Variants in GALNTL6 observed in about 807,000 individuals in gnomAD.
GALNTL6 encodes the protein polypeptide N-acetylgalactosaminyltransferase like 6, also known as polypeptide N-acetylgalactosaminyltransferase-like 6.
GALNTL6 carries 46 observed loss-of-function variants against 73.7 expected under a neutral mutation model. That is an observed-to-expected ratio of 0.62 (90% CI 0.49 to 0.80). The LOEUF (loss-of-function observed/expected upper bound fraction) is 0.80. GALNTL6 is among the 30% of genes least tolerant of loss of function. The probability of loss-of-function intolerance (pLI) is 0.00; values close to 1 mark genes in which losing one functional copy is unlikely to be tolerated. For synonymous variants in GALNTL6, 259 were observed against 263.7 expected (o/e 0.98, Z 0.17); for missense variants, 604 against 755.0 (o/e 0.80, Z 2.34).
At chr4:172,296,122 C>T (rs76498162) in intron 3 of GALNTL6, among the ~76,000 whole-genome samples, 1 of 152,016 alleles carries the variant, frequency 6.6e-6, no homozygotes, top group Non-Finnish European at 1.5e-5. Flanking sequence ...TGTGGATACC[C>T]TTTGTCAGAT....
At position 172,093,794 on chromosome 4, in the gene GALNTL6, G is replaced by T. The variant is rs146873300; in HGVS notation, c.139-135862G>T. ...CTTGTGAGAAGATTCCAGGTTGCAG[G>T]CTTCTTGAGAGAAGATCATGCCTGA... is the stretch of plus-strand genomic sequence containing the variant. On this transcript the variant is annotated intron_variant, in intron 2 of 12. Coordinates refer to ENST00000506823, the MANE Select transcript of GALNTL6 (RefSeq NM_001034845.3). 1.7e-4 allele frequency among the ~76,000 whole-genome samples: 26 copies of T among 152,262 alleles called. No homozygotes were observed. The East Asian group carries it at 4.4e-3, about 26-fold the overall frequency.
intron 3 of GALNTL6, among the ~76,000 whole-genome samples, chr4:172,302,407 A>T (rs946857375): frequency 1.3e-5 from 2 of 152,112 alleles, no homozygotes; most frequent in Non-Finnish European, 2.9e-5. Flanking sequence ...CCCCAGTGAG[A>T]TGCACCCAGT....
intron 2 of GALNTL6, among the ~76,000 whole-genome samples, chr4:171,918,742 C>G (rs1737699252): frequency 6.6e-6 from 1 of 151,960 alleles, no homozygotes; most frequent in Non-Finnish European, 1.5e-5. Flanking sequence ...GTGGAAACAA[C>G]CTAAATATCC....
rs1242228892 is a variant in GALNTL6, at chr4:172,813,561, A to G, written c.761A>G (p.Lys254Arg). Residue 254 changes from lysine (K) to arginine (R), a missense_variant, in exon 7 of 13, where the codon AAA (lysine) becomes AGA (arginine). By Grantham distance (26) the Lys-to-Arg change is conservative. Transcript: ENST00000506823. ...TCAGACCAAATTGCACTAAACCACA[A>G]AACCATCGTGTGTCCCATGATCGAT... ...PLLNQIALNH[K>R]TIVCPMIDVI... The G allele has an allele frequency of 3.7e-6, 6 of 1,605,996 alleles. No individual in the cohort carries two copies. Among genetic ancestry groups the G allele is most frequent in the Non-Finnish European group, 2.6e-6 (3 of 1,173,524 alleles).
intron 2 of GALNTL6, among the ~76,000 whole-genome samples, chr4:171,824,084 TATATATA>T (rs1487744307): frequency 0.012 from 256 of 20,584 alleles, 2 homozygotes; most frequent in Non-Finnish European, 0.064. Context: ...ATTTTATATA[TATATATA>T]TATATATATA....
chr4:172,788,786 A>T (rs946392750), intron 5 of GALNTL6, among the ~76,000 whole-genome samples: 1 of 152,146 alleles, frequency 6.6e-6, no homozygotes, highest in African/African-American at 2.4e-5. Context: ...AGAGAAGCCA[A>T]CAAGAGGTGG....
At chr4:172,731,168 A>G (rs112085094) in intron 5 of GALNTL6, among the ~76,000 whole-genome samples, 2,038 of 152,028 alleles carry the variant, frequency 0.013, 44 homozygotes, top group African/African-American at 0.047. Flanking sequence ...CAGGGAATCC[A>G]TCAGATTCTG....
chr4:172,481,927 G>A (rs1052471561), intron 5 of GALNTL6, among the ~76,000 whole-genome samples: 3 of 152,222 alleles, frequency 2.0e-5, no homozygotes, highest in African/African-American at 7.2e-5. Flanking sequence ...TGAGCGTCAG[G>A]GAGCAGGGGG....
At chr4:171,897,649 C>CTTTTCTT (rs999325567) in intron 2 of GALNTL6, among the ~76,000 whole-genome samples, 7 of 151,870 alleles carry the variant, frequency 4.6e-5, no homozygotes, top group Non-Finnish European at 8.8e-5. Context: ...GGTGAAACCC[C>CTTTTCTT]TTTTCTTTTT....
In GALNTL6 at chr4:172,504,619, TAA is replaced by T. The variant is rs1274413514; in HGVS notation, c.553+155946_553+155947del. 1.2e-4 allele frequency among the ~76,000 whole-genome samples: 4 copies of T among 34,268 alleles called. 1 individual carries two copies. The highest frequency in any genetic ancestry group is 1.5e-4 in the African/African-American group (2 of 13,322). 22.5% of individuals were successfully genotyped at this position (34,268 alleles called of 152,430 possible). A position where few individuals can be genotyped will look rare whatever the true frequency, so the allele number is the denominator to read the frequency against. On this transcript the variant is annotated intron_variant, in intron 5 of 12. Coordinates refer to ENST00000506823, the MANE Select transcript of GALNTL6 (RefSeq NM_001034845.3). ...TGTTCTTTTTTAAAAGTAAATGCTCTAAAAAAAAAAAAAAAAAGAAGTAATGG... is the reference window on the plus strand; with the variant it reads ...TGTTCTTTTTTAAAAGTAAATGCTCTAAAAAAAAAAAAAAAGAAGTAATGG...
intron 2 of GALNTL6, among the ~76,000 whole-genome samples, chr4:171,961,328 C>G (rs557693734): frequency 1.8e-4 from 27 of 152,246 alleles, no homozygotes; most frequent in Admixed American, 8.5e-4. Context: ...ATATCACATT[C>G]TGACAGGCCC....
At chr4:171,838,045 C>G (rs1252529582) in intron 2 of GALNTL6, among the ~76,000 whole-genome samples, 1 of 151,808 alleles carries the variant, frequency 6.6e-6, no homozygotes, top group Admixed American at 6.6e-5. Context: ...TCCCTTCACT[C>G]TTTTGTTTGT....
intron 8 of GALNTL6, among the ~76,000 whole-genome samples, chr4:172,921,079 C>T (rs993368195): frequency 2.6e-5 from 4 of 152,128 alleles, no homozygotes; most frequent in East Asian, 1.9e-4. Flanking sequence ...CAGAAGAAAC[C>T]GCCAAGATAA....
chr4:172,839,468 T>C (rs569719966), intron 7 of GALNTL6, among the ~76,000 whole-genome samples: 1 of 152,320 alleles, frequency 6.6e-6, no homozygotes, highest in South Asian at 2.1e-4. Flanking sequence ...GATTAAACTG[T>C]GAGCCATTAT....
At chr4:172,576,195 T>G (rs1446859088) in intron 5 of GALNTL6, among the ~76,000 whole-genome samples, 1 of 152,204 alleles carries the variant, frequency 6.6e-6, no homozygotes, top group Non-Finnish European at 1.5e-5. Context: ...CCCATTCTAA[T>G]GGCCATGAGG....
At chr4:172,458,785 G>A (rs337047) in intron 5 of GALNTL6, among the ~76,000 whole-genome samples, 152,241 of 152,292 alleles carry the variant, frequency 1, 76,095 homozygotes, top group Non-Finnish European at 1. Context: ...TACCAGAGGT[G>A]CAAAGAGGAG....
At chr4:172,309,069 A>G (rs1740258055) in intron 3 of GALNTL6, among the ~76,000 whole-genome samples, 1 of 91,350 alleles carries the variant, frequency 1.1e-5, no homozygotes, top group African/African-American at 3.5e-5. Flanking sequence ...AGCAAAGAAG[A>G]TGAAATTTGT....
intron 8 of GALNTL6, among the ~76,000 whole-genome samples, chr4:172,919,977 T>G (rs1747716717): frequency 6.6e-6 from 1 of 152,222 alleles, no homozygotes; most frequent in African/African-American, 2.4e-5. Flanking sequence ...TTAAAAGTAG[T>G]GATCCTGTGA....
chr4:172,969,328 T>C (rs1161471707), intron 10 of GALNTL6, among the ~76,000 whole-genome samples: 1 of 151,876 alleles, frequency 6.6e-6, no homozygotes, highest in Non-Finnish European at 1.5e-5. Context: ...CAAAAAGAAT[T>C]TGTCAATGAT....
Sources: allele counts gnomAD v4.1 joint callset (sites outside exome capture counted in the v4.1 genomes callset), GRCh38; gene constraint gnomAD v4.1.1; transcripts MANE v1.5; gene names NCBI Gene and HGNC (gene_info 2026-07-23, HGNC 2026-07-21).